ZFYVE28: variants seen among roughly 807,000 people sequenced by gnomAD.
The protein encoded by ZFYVE28 is zinc finger FYVE-type containing 28.
Under a neutral mutation model 82.1 loss-of-function variants are expected in ZFYVE28, and 40 were observed. The ratio of observed to expected loss-of-function variants is 0.49; its 90% CI spans 0.38 to 0.63. ZFYVE28 has a LOEUF of 0.63. Ranked by LOEUF, ZFYVE28 falls within the 30% of genes least tolerant of loss-of-function variation. The probability of loss-of-function intolerance (pLI) is 0.00; values close to 1 mark genes in which losing one functional copy is unlikely to be tolerated. For synonymous variants in ZFYVE28, 612 were observed against 546.1 expected (o/e 1.12, Z -1.68); for missense variants, 1,321 against 1,242.1 (o/e 1.06, Z -0.96).
intron 8 of ZFYVE28, among the ~76,000 whole-genome samples, chr4:2,298,725 C>A (rs187065336): frequency 7.3e-4 from 111 of 152,326 alleles, no homozygotes; most frequent in Middle Eastern, 3.4e-3. Context: ...GCAGGCCTGG[C>A]CTTGCCCCCG....
chr4:2,324,532 A>C (rs747312077), intron 6 of ZFYVE28: 2 of 185,270 alleles, frequency 1.1e-5, no homozygotes, highest in East Asian at 2.6e-4. Context: ...GTACTGAGGT[A>C]ACATTCAACT....
chr4:2,351,021 T>A (rs1340302399), intron 2 of ZFYVE28, among the ~76,000 whole-genome samples: 6 of 152,166 alleles, frequency 3.9e-5, no homozygotes, highest in Admixed American at 2.6e-4. Flanking sequence ...TCTACAAATT[T>A]ATCCAACCCA....
At chr4:2,401,924 C>T (rs1037928893) in intron 1 of ZFYVE28, among the ~76,000 whole-genome samples, 2 of 152,208 alleles carry the variant, frequency 1.3e-5, no homozygotes, top group African/African-American at 4.8e-5. Flanking sequence ...TTGGCCCTCC[C>T]AGCGCTCCCT....
intron 6 of ZFYVE28, chr4:2,330,953 TG>T (rs1433437693): frequency 2.6e-6 from 4 of 1,532,742 alleles, no homozygotes; most frequent in African/African-American, 2.8e-5. Flanking sequence ...CACAGGTGGA[TG>T]GGTGAGGGCC....
chr4:2,392,729 C>A (rs1729969578), intron 1 of ZFYVE28, among the ~76,000 whole-genome samples: 1 of 152,114 alleles, frequency 6.6e-6, no homozygotes, highest in African/African-American at 2.4e-5. Flanking sequence ...TCATGTAACT[C>A]CAAGGAAAAG....
chr4:2,290,709 G>A (rs1713514451), intron 8 of ZFYVE28, among the ~76,000 whole-genome samples: 1 of 152,174 alleles, frequency 6.6e-6, no homozygotes. Context: ...CAGGGGCCAG[G>A]CCAGGGCTGG....
chr4:2,279,551 G>GAC (rs1349035804), intron 8 of ZFYVE28, among the ~76,000 whole-genome samples: 2 of 152,178 alleles, frequency 1.3e-5, no homozygotes, highest in Admixed American at 6.5e-5. Flanking sequence ...AGGCCAAGGT[G>GAC]GGCGGATCAC....
intron 1 of ZFYVE28, among the ~76,000 whole-genome samples, chr4:2,403,302 T>C (rs1002589654): frequency 2.5e-4 from 38 of 152,202 alleles, no homozygotes; most frequent in Non-Finnish European, 4.9e-4. Context: ...TAGTGGGACC[T>C]TGTCACTGCC....
chr4:2,399,825 CG>C (rs1405843364), intron 1 of ZFYVE28, among the ~76,000 whole-genome samples: 4 of 152,352 alleles, frequency 2.6e-5, no homozygotes, highest in African/African-American at 9.6e-5. Flanking sequence ...CGCTGCCGGA[CG>C]TGAGCCGTAC....
intron 8 of ZFYVE28, among the ~76,000 whole-genome samples, chr4:2,282,443 T>G (rs536508724): frequency 3.3e-5 from 5 of 152,316 alleles, no homozygotes; most frequent in African/African-American, 1.2e-4. Context: ...GATAAATGGC[T>G]GATGTCATCA....
intron 7 of ZFYVE28, among the ~76,000 whole-genome samples, chr4:2,313,591 C>A (rs1346635282): frequency 1.3e-5 from 2 of 152,028 alleles, no homozygotes; most frequent in Admixed American, 1.3e-4. Flanking sequence ...TAAGGGTGGG[C>A]CCGGTGGCTC....
rs1040648230 is a variant in ZFYVE28 at position 2,408,184 on chromosome 4, T to C, written c.39+10101A>G. ...ACCTGCCCTCACTGGACAGCAATGCTTCACCCAGTCCTGGACCAACACATC... is the reference window on the plus strand; with the variant it reads ...ACCTGCCCTCACTGGACAGCAATGCCTCACCCAGTCCTGGACCAACACATC... On this transcript the variant is annotated intron_variant, in intron 1 of 12. Transcript: ENST00000290974. This position sits in a 1 kb window ranked among gnomAD's most constrained non-coding sequence, Gnocchi z 4.3. Among the ~76,000 whole-genome samples, 7 of 152,126 alleles carry C rather than the reference T, an allele frequency of 4.6e-5. No homozygotes were observed. Among genetic ancestry groups the C allele is most frequent in the Admixed American group, 3.9e-4 (6 of 15,286 alleles).
At chr4:2,387,931 A>G (rs1729443400) in intron 1 of ZFYVE28, among the ~76,000 whole-genome samples, 1 of 152,238 alleles carries the variant, frequency 6.6e-6, no homozygotes, top group Non-Finnish European at 1.5e-5. Context: ...GGAGGCCCAC[A>G]GGAAAAGGGC....
chr4:2,271,083 T>G (rs998996016), intron 12 of ZFYVE28: 1 of 745,504 alleles, frequency 1.3e-6, no homozygotes, highest in Non-Finnish European at 2.1e-6. Flanking sequence ...CTGTCCCCTC[T>G]CTGTGGCTGG....
At position 2,339,673 on chromosome 4, in the gene ZFYVE28, C is replaced by G. The variant is rs747547829; in HGVS notation, c.319-18G>C. The G allele has an allele frequency of 3.2e-6, 5 of 1,577,130 alleles. No homozygotes were observed. In the Admixed American group the frequency reaches 9.0e-5, roughly 28 times the overall value. Reference sequence around the variant, plus strand: ...GCCAGGCACTGCGGGAGGGGACACACTCAGGGAGGGGCCCGGGTGAGGGCC... The same window carrying G: ...GCCAGGCACTGCGGGAGGGGACACAGTCAGGGAGGGGCCCGGGTGAGGGCC... On this transcript the variant is annotated intron_variant, in intron 3 of 12. Coordinates refer to ENST00000290974, the MANE Select transcript of ZFYVE28 (RefSeq NM_020972.3). The surrounding 1 kb of genome is among the most constrained non-coding windows in gnomAD (Gnocchi z 5.0).
chr4:2,304,368 G>A lies in ZFYVE28; in HGVS notation c.1972C>T (p.Gln658Ter), dbSNP rs1333788821. The change falls in exon 8 of 13, where the codon CAG becomes TAG. Residue 658 changes from glutamine to a stop codon, truncating the protein, a stop_gained. Coordinates refer to ENST00000290974, the MANE Select transcript of ZFYVE28 (RefSeq NM_020972.3). LOFTEE classifies it high-confidence loss of function. ...GLQGEAGVAG[Q>*]QEPEARELHA... The stretch of plus-strand genomic sequence containing the variant: ...AGCTCTCTGGCCTCTGGCTCCTGCT[G>A]ACCTGCAACCCCAGCCTCTCCTTGC... 5.6e-6 allele frequency: 9 copies of A among 1,610,996 alleles called. No homozygotes were observed. Among genetic ancestry groups the A allele is most frequent in the Non-Finnish European group, 6.8e-6 (8 of 1,179,966 alleles).
intron 1 of ZFYVE28, among the ~76,000 whole-genome samples, chr4:2,384,201 G>A (rs993434333): frequency 1.1e-4 from 16 of 152,178 alleles, no homozygotes; most frequent in Non-Finnish European, 1.8e-4. Context: ...TCTCCTCCCC[G>A]GGTACTTCGA....
intron 1 of ZFYVE28, among the ~76,000 whole-genome samples, chr4:2,374,409 C>G (rs952415292): frequency 3.3e-5 from 5 of 151,906 alleles, no homozygotes; most frequent in Non-Finnish European, 7.4e-5. Context: ...TCCAGGAGCT[C>G]GAGACCAGCC....
Position 2,320,196 on chromosome 4 carries a change from G to A in ZFYVE28, c.777C>T (p.Pro259=), listed in dbSNP as rs752731357. 4.3e-6 allele frequency: 7 copies of A among 1,612,856 alleles called. No individual in the cohort carries two copies. Among genetic ancestry groups the A allele is most frequent in the Admixed American group, 1.7e-5 (1 of 59,916 alleles). The change falls in exon 7 of 13, where the codon CCC becomes CCT. Residue 259 remains proline, a synonymous_variant. Coordinates refer to ENST00000290974, the MANE Select transcript of ZFYVE28 (RefSeq NM_020972.3). This position sits in a 1 kb window ranked among gnomAD's most constrained non-coding sequence, Gnocchi z 5.1. ...TTATTTTCCGCAGCAACGTGTGGAAGGGCCGGAACAGCTCGGACATGTCTT... is the reference window on the plus strand; with the variant it reads ...TTATTTTCCGCAGCAACGTGTGGAAAGGCCGGAACAGCTCGGACATGTCTT... ...KVEDMSELFR[P]FHTLLRKIRD... is the part of the protein sequence containing the mutation.
Sources: allele counts gnomAD v4.1 joint callset (sites outside exome capture counted in the v4.1 genomes callset), GRCh38; gene constraint gnomAD v4.1.1; non-coding constraint Gnocchi (gnomAD v3.1); transcripts MANE v1.5; gene names NCBI Gene and HGNC (gene_info 2026-07-23, HGNC 2026-07-21).